Variants in CABCOCO1 observed in about 807,000 individuals in gnomAD.
CABCOCO1 encodes the protein ciliary associated calcium binding coiled-coil 1, also known as ciliary-associated calcium-binding coiled-coil protein 1.
A neutral mutation model predicts 35.7 loss-of-function variants in CABCOCO1; 28 were observed. The ratio of observed to expected loss-of-function variants is 0.78; its 90% CI spans 0.58 to 1.07. CABCOCO1 has a LOEUF of 1.07. Among genes scored for constraint, CABCOCO1 ranks in the 50% least tolerant of loss-of-function variants. The pLI is 0.00. For missense variants in CABCOCO1, 326 were observed against 309.2 expected (o/e 1.05, Z -0.41); for synonymous variants, 95 against 100.1 (o/e 0.95, Z 0.30).
intron 1 of CABCOCO1, among the ~76,000 whole-genome samples, chr10:61,663,662 T>C (rs920413860): frequency 2.0e-5 from 3 of 152,154 alleles, no homozygotes; most frequent in Non-Finnish European, 4.4e-5. Flanking sequence ...TTTAGGAAAG[T>C]TATTTAATCT....
chr10:61,708,462 G>A (rs1564543059), intron 5 of CABCOCO1, among the ~76,000 whole-genome samples: 3 of 152,022 alleles, frequency 2.0e-5, no homozygotes, highest in Admixed American at 2.0e-4. Context: ...TGGCTCATAA[G>A]CAACAAGAAT....
chr10:61,701,166 T>C (rs1185673523), intron 5 of CABCOCO1, among the ~76,000 whole-genome samples: 2 of 152,136 alleles, frequency 1.3e-5, no homozygotes, highest in African/African-American at 4.8e-5. Flanking sequence ...GCAATCAGCA[T>C]GTATTATAGC....
chr10:61,685,082 C>T (rs1156625925), intron 3 of CABCOCO1: 1 of 152,118 alleles, frequency 6.6e-6, no homozygotes, highest in Non-Finnish European at 1.5e-5. Flanking sequence ...ACTCTTTGTG[C>T]ATTTTCATCG....
chr10:61,756,616 G>A (rs1168454441), intron 5 of CABCOCO1, among the ~76,000 whole-genome samples: 3 of 151,928 alleles, frequency 2.0e-5, no homozygotes, highest in Non-Finnish European at 2.9e-5. Flanking sequence ...CTATTTAGGG[G>A]GTATTTGAAA....
At chr10:61,665,130 A>G (rs1176169526) in intron 1 of CABCOCO1, among the ~76,000 whole-genome samples, 1 of 152,176 alleles carries the variant, frequency 6.6e-6, no homozygotes, top group African/African-American at 2.4e-5. Flanking sequence ...TTTGTGGCCA[A>G]TACCTAGAAT....
intron 6 of CABCOCO1, 57 bp downstream of exon 6, chr10:61,760,238 T>A: frequency 6.4e-7 from 1 of 1,556,668 alleles, no homozygotes; most frequent in Non-Finnish European, 8.7e-7. Flanking sequence ...TCTCTTGGGG[T>A]GGGAGGAAAC....
intron 5 of CABCOCO1, among the ~76,000 whole-genome samples, chr10:61,755,189 T>G (rs1187582400): frequency 6.6e-6 from 1 of 152,154 alleles, no homozygotes; most frequent in African/African-American, 2.4e-5. Context: ...CATTTAAAAT[T>G]TATGGCCTCA....
intron 5 of CABCOCO1, among the ~76,000 whole-genome samples, chr10:61,742,394 G>T (rs1361720609): frequency 6.6e-6 from 1 of 152,022 alleles, no homozygotes; most frequent in Non-Finnish European, 1.5e-5. Context: ...TTTAACATGT[G>T]TTGCACGAAC....
chr10:61,729,688 C>T (rs1163552111), intron 5 of CABCOCO1, among the ~76,000 whole-genome samples: 1 of 152,082 alleles, frequency 6.6e-6, no homozygotes, highest in African/African-American at 2.4e-5. Context: ...AGCACTATTC[C>T]CAATAGCCAA....
intron 5 of CABCOCO1, among the ~76,000 whole-genome samples, chr10:61,727,126 T>G (rs1841173645): frequency 6.6e-6 from 1 of 152,118 alleles, no homozygotes; most frequent in Non-Finnish European, 1.5e-5. Flanking sequence ...CACCTTCTAT[T>G]AGATTATAAA....
chr10:61,711,829 T>C (rs1383972013), intron 5 of CABCOCO1, among the ~76,000 whole-genome samples: 1 of 151,986 alleles, frequency 6.6e-6, no homozygotes, highest in Non-Finnish European at 1.5e-5. Context: ...ACAGACTAAA[T>C]ACACAGTTCT....
At chr10:61,711,882 A>G (rs1840740282) in intron 5 of CABCOCO1, among the ~76,000 whole-genome samples, 1 of 152,070 alleles carries the variant, frequency 6.6e-6, no homozygotes, top group Non-Finnish European at 1.5e-5. Context: ...AGGAATTTAA[A>G]AAGCATTTTG....
chr10:61,682,513 A>G (rs10761586), intron 3 of CABCOCO1, among the ~76,000 whole-genome samples: 80,205 of 151,960 alleles, frequency 0.53, 22,467 homozygotes, highest in Middle Eastern at 0.67. Context: ...AGGTCCATAG[A>G]CCTAGATGGA....
chr10:61,744,724 A>C (rs1283872366), intron 5 of CABCOCO1, among the ~76,000 whole-genome samples: 1 of 152,194 alleles, frequency 6.6e-6, no homozygotes, highest in Non-Finnish European at 1.5e-5. Context: ...AAAGGAGAGA[A>C]CATCAGCCCT....
At chr10:61,664,602 C>T (rs1326647057) in intron 1 of CABCOCO1, among the ~76,000 whole-genome samples, 1 of 152,148 alleles carries the variant, frequency 6.6e-6, no homozygotes, top group Non-Finnish European at 1.5e-5. Flanking sequence ...TCAGGATGTG[C>T]TCAATCACTT....
intron 5 of CABCOCO1, among the ~76,000 whole-genome samples, chr10:61,710,313 G>C (rs79670387): frequency 1.3e-5 from 2 of 151,192 alleles, no homozygotes; most frequent in African/African-American, 2.4e-5. Flanking sequence ...TAAATATAGA[G>C]ATAATGATAG....
chr10:61,737,908 A>G (rs990208134), intron 5 of CABCOCO1, among the ~76,000 whole-genome samples: 1 of 152,112 alleles, frequency 6.6e-6, no homozygotes, highest in African/African-American at 2.4e-5. Flanking sequence ...CCCCTGTGAC[A>G]CATGTTTACC....
chr10:61,763,779 T>A (rs1188125860), intron 7 of CABCOCO1, among the ~76,000 whole-genome samples: 1 of 150,902 alleles, frequency 6.6e-6, no homozygotes, highest in African/African-American at 2.4e-5. Context: ...ACTGAACATA[T>A]TTTTTTTCCT....
chr10:61,664,910 G>A (rs1383641799), intron 1 of CABCOCO1, among the ~76,000 whole-genome samples: 1 of 152,110 alleles, frequency 6.6e-6, no homozygotes, highest in Admixed American at 6.5e-5. Context: ...AATACTGAAA[G>A]GTTCTTCTCA....
Sources: gnomAD v4.1 joint callset for allele counts (sites outside exome capture counted in the v4.1 genomes callset) on GRCh38, gnomAD v4.1.1 for gene constraint, MANE v1.5 for transcripts, NCBI Gene and HGNC (gene_info 2026-07-23, HGNC 2026-07-21) for gene names.